Variants in PPM1B observed in about 807,000 individuals in gnomAD.
PPM1B encodes protein phosphatase, Mg2+/Mn2+ dependent 1B.
PPM1B carries 22 observed loss-of-function variants against 43.0 expected under a neutral mutation model. That is an observed-to-expected ratio of 0.51 (90% CI 0.37 to 0.73). PPM1B has a LOEUF of 0.73. Among genes scored for constraint, PPM1B ranks in the 30% least tolerant of loss-of-function variants. The pLI is 0.00. For missense variants in PPM1B, 632 were observed against 584.2 expected, an observed-to-expected ratio of 1.08 and a Z score of -0.84; for synonymous variants, 217 against 197.9, an observed-to-expected ratio of 1.10 and a Z score of -0.81.
At chr2:44,232,299 C>G (rs750747212), downstream of PPM1B, 33 of 1,601,456 alleles carry the variant, frequency 2.1e-5, no homozygotes, top group Non-Finnish European at 2.7e-5. Context: ...AATATTCTTC[C>G]TTTTCTCTTC....
Position 44,200,808 on chromosome 2 carries a change from A to G in PPM1B, c.-14-378A>G, listed in dbSNP as rs147056224. ...TCTGTAAACTTACATGTCGAACCCT[A>G]GACTCACCTTGTAAATTAAATCAGA... On this transcript the variant is annotated intron_variant, in intron 1 of 5. Coordinates refer to ENST00000282412, the MANE Select transcript of PPM1B (RefSeq NM_002706.6). 3.9e-3 allele frequency among the ~76,000 whole-genome samples: 601 copies of G among 152,350 alleles called. 2 individuals are homozygous for G. Among genetic ancestry groups the G allele is most frequent in the African/African-American group, 0.014 (574 of 41,582 alleles).
At chr2:44,192,984 G>A (rs573226913) in intron 1 of PPM1B, among the ~76,000 whole-genome samples, 1 of 152,170 alleles carries the variant, frequency 6.6e-6, no homozygotes, top group South Asian at 2.1e-4. Context: ...TGGACACTTA[G>A]GTTGATTGCA....
chr2:44,236,784 A>C (rs139397001), downstream of PPM1B, among the ~76,000 whole-genome samples: 1 of 152,166 alleles, frequency 6.6e-6, no homozygotes, highest in Non-Finnish European at 1.5e-5. Flanking sequence ...ATTTAAGGTT[A>C]TATTTTTTAA....
At chr2:44,178,378 A>G (rs1667687903) in intron 1 of PPM1B, among the ~76,000 whole-genome samples, 2 of 150,696 alleles carry the variant, frequency 1.3e-5, no homozygotes, top group South Asian at 4.2e-4. Flanking sequence ...TATAGCCCTA[A>G]CTAGATATTT....
intron 3 of PPM1B, among the ~76,000 whole-genome samples, chr2:44,210,388 T>C (rs1168359788): frequency 6.6e-6 from 1 of 152,062 alleles, no homozygotes; most frequent in African/African-American, 2.4e-5. Context: ...CTGGCTAGTT[T>C]TCTTTATTTT....
chr2:44,193,256 C>G (rs916442825), intron 1 of PPM1B, among the ~76,000 whole-genome samples: 3 of 152,202 alleles, frequency 2.0e-5, no homozygotes, highest in Non-Finnish European at 2.9e-5. Flanking sequence ...GCCATTCTGA[C>G]AGGTGTGAGA....
At chr2:44,235,603 CAAA>C (rs60734033), downstream of PPM1B, among the ~76,000 whole-genome samples, 13 of 73,474 alleles carry the variant, frequency 1.8e-4, no homozygotes, top group Middle Eastern at 0.013. Context: ...AATTCCATCT[CAAA>C]AAAAAAAAAA....
chr2:44,209,173 A>T lies in PPM1B; in HGVS notation c.847-37A>T, dbSNP rs369886035. 132 of 1,483,702 alleles carry T rather than the reference A, an allele frequency of 8.9e-5. No homozygotes were observed. The African/African-American group carries it at 1.7e-3, about 19-fold the overall frequency. The allele number at this position is 1,483,702 out of a possible 1,614,324, so 91.9% of individuals were successfully genotyped here. A position where few individuals can be genotyped will look rare whatever the true frequency, so the allele number is the denominator to read the frequency against. ...GAAGTAAATAATAGTTGATTGTAGA[A>T]ATACAATTTTTTTTCTTTTTTTTCT... On this transcript the variant is annotated intron_variant, in intron 2 of 5. Transcript: ENST00000282412.
chr2:44,168,980 G>C lies in PPM1B; in HGVS notation c.-309G>C, dbSNP rs1284004677. The C allele has an allele frequency of 6.5e-6, 1 of 154,756 alleles. No homozygotes were observed. The highest frequency in any genetic ancestry group is 1.5e-5 in the Non-Finnish European group (1 of 68,704). 9.6% of individuals were successfully genotyped at this position (154,756 alleles called of 1,614,324 possible). A position where few individuals can be genotyped will look rare whatever the true frequency, so the allele number is the denominator to read the frequency against. Reference sequence around the variant, plus strand: ...GGGGAGTTTCCTGCCGGCGCGGCTGGAGTCTCTGATTCTCAGGGTTCGGTG... The same window carrying C: ...GGGGAGTTTCCTGCCGGCGCGGCTGCAGTCTCTGATTCTCAGGGTTCGGTG... On this transcript the variant is annotated 5_prime_UTR_variant, in exon 1 of 6. Coordinates refer to ENST00000282412, the MANE Select transcript of PPM1B (RefSeq NM_002706.6).
intron 5 of PPM1B, among the ~76,000 whole-genome samples, chr2:44,240,106 C>A (rs953210078): frequency 1.4e-5 from 2 of 145,584 alleles, no homozygotes; most frequent in South Asian, 4.8e-4. Flanking sequence ...CTCCTGTCCT[C>A]AAGCAATCCT....
chr2:44,208,265 A>G (rs1169297047), intron 2 of PPM1B, among the ~76,000 whole-genome samples: 2 of 152,156 alleles, frequency 1.3e-5, no homozygotes, highest in African/African-American at 2.4e-5. Flanking sequence ...TAAATTAGCT[A>G]TTTTAGCCAC....
chr2:44,194,953 C>T (rs1309077889), intron 1 of PPM1B, among the ~76,000 whole-genome samples: 14 of 142,586 alleles, frequency 9.8e-5, no homozygotes, highest in Admixed American at 6.5e-4. Flanking sequence ...GGCTGGAGTG[C>T]GGTGGCGCAA....
chr2:44,185,576 G>C (rs1396562950), intron 1 of PPM1B, among the ~76,000 whole-genome samples: 2 of 152,156 alleles, frequency 1.3e-5, no homozygotes, highest in South Asian at 2.1e-4. Flanking sequence ...TTCTAGCTGA[G>C]CTTTTGATTT....
intron 2 of PPM1B, among the ~76,000 whole-genome samples, chr2:44,206,274 T>A (rs2104157610): frequency 6.6e-6 from 1 of 152,372 alleles, no homozygotes; most frequent in African/African-American, 2.4e-5. Context: ...TTTATACTGA[T>A]TATACAAGGA....
At chr2:44,218,959 C>T in intron 5 of PPM1B, 5 of 431,140 alleles carry the variant, frequency 1.2e-5, no homozygotes, top group Non-Finnish European at 9.1e-6. Flanking sequence ...TTCAGTACCC[C>T]TGTATGCCCA....
chr2:44,200,217 G>A (rs1240974333), intron 1 of PPM1B, among the ~76,000 whole-genome samples: 1 of 152,208 alleles, frequency 6.6e-6, no homozygotes, highest in Non-Finnish European at 1.5e-5. Flanking sequence ...AGGTACAGGT[G>A]ACTAAGAAAT....
At chr2:44,238,569 G>A (rs1171057638), downstream of PPM1B, among the ~76,000 whole-genome samples, 2 of 152,076 alleles carry the variant, frequency 1.3e-5, no homozygotes, top group Non-Finnish European at 2.9e-5. Context: ...GAGCCTGGTG[G>A]CGGGTGCCTA....
chr2:44,201,241 T>C lies in PPM1B; in HGVS notation c.42T>C (p.Asn14=). Residue 14 remains asparagine (N), a synonymous_variant, in exon 2 of 6, where the codon AAT becomes AAC. Transcript: ENST00000282412. This position sits in a 1 kb window ranked among gnomAD's most constrained non-coding sequence, Gnocchi z 5.4. ...FLDKPKTEKH[N]AHGAGNGLRY... is the part of the protein sequence containing the mutation. ...ATAAACCCAAAACTGAAAAACATAA[T>C]GCTCATGGTGCTGGGAATGGTTTAC... The C allele has an allele frequency of 6.2e-7, 1 of 1,607,464 alleles. No individual in the cohort carries two copies. The highest frequency in any genetic ancestry group is 8.5e-7 in the Non-Finnish European group (1 of 1,176,584).
rs1418816525 is a variant in PPM1B at position 44,241,043 on chromosome 2, G to A, written n.1547-3185G>A. Among the ~76,000 whole-genome samples the A allele has an allele frequency of 3.6e-5, 5 of 137,304 alleles. 1 individual carries two copies. The highest frequency in any genetic ancestry group is 7.4e-5 in the Admixed American group (1 of 13,508). 90.1% of individuals were successfully genotyped at this position (137,304 alleles called of 152,430 possible). A position where few individuals can be genotyped will look rare whatever the true frequency, so the allele number is the denominator to read the frequency against. ...TTTGAGACGGAGTTTCACTCTTGTC[G>A]CCCAGGCTGCAGTGCAATGGCGCGA... On this transcript the variant is annotated intron_variant and non_coding_transcript_variant, in intron 5 of 5. Transcript: ENST00000378540.
Sources: gnomAD v4.1 joint callset for allele counts (sites outside exome capture counted in the v4.1 genomes callset) on GRCh38, gnomAD v4.1.1 for gene constraint, Gnocchi (gnomAD v3.1) non-coding constraint, MANE v1.5 for transcripts, NCBI Gene and HGNC (gene_info 2026-07-23, HGNC 2026-07-21) for gene names.